SH3RF1: variants seen among roughly 807,000 people sequenced by gnomAD.
SH3RF1 encodes the protein SH3 domain containing ring finger 1.
Under a neutral mutation model 74.0 loss-of-function variants are expected in SH3RF1, and 32 were observed. The observed-to-expected ratio is 0.43, with a 90% CI of 0.33 to 0.58. The LOEUF is 0.58. Ranked by LOEUF, SH3RF1 falls within the 20% of genes least tolerant of loss-of-function variation. The pLI, the probability that SH3RF1 is intolerant of heterozygous loss-of-function variation, is 0.05. For missense variants in SH3RF1, 954 were observed against 1,130.9 expected, an observed-to-expected ratio of 0.84 and a Z score of 2.24; for synonymous variants, 396 against 439.6, an observed-to-expected ratio of 0.90 and a Z score of 1.24.
chr4:169,138,545 C>T (rs1733735184), intron 4 of SH3RF1, among the ~76,000 whole-genome samples: 2 of 152,216 alleles, frequency 1.3e-5, no homozygotes, highest in Non-Finnish European at 2.9e-5. Context: ...CAACTCAGCA[C>T]TCCTGTCCCA....
rs767668410 is a variant in SH3RF1, at chr4:169,268,954, C to G, written c.259G>C (p.Gly87Arg). 2 of 1,614,196 alleles carry G rather than the reference C, an allele frequency of 1.2e-6. No homozygotes were observed. Among genetic ancestry groups the G allele is most frequent in the East Asian group, 2.2e-5 (1 of 44,892 alleles). Residue 87 changes from glycine (G) to arginine (R), a missense_variant, in exon 2 of 12, where the codon GGG becomes CGG. This residue lies in a region of SH3RF1 where 854 missense variants were observed against 962.5 expected (regional missense o/e 0.89). Coordinates refer to ENST00000284637, the MANE Select transcript of SH3RF1 (RefSeq NM_020870.4). ...KQRPWKPGPG[G>R]GSGTNCTNAL... Reference sequence around the variant, plus strand: ...TTTGTGCAGTTGGTCCCACTTCCCCCACCAGGACCAGGTTTCCAAGGCCTC... The same window carrying G: ...TTTGTGCAGTTGGTCCCACTTCCCCGACCAGGACCAGGTTTCCAAGGCCTC...
chr4:169,161,889 T>C (rs1352838365), intron 2 of SH3RF1, among the ~76,000 whole-genome samples: 1 of 152,150 alleles, frequency 6.6e-6, no homozygotes, highest in African/African-American at 2.4e-5. Flanking sequence ...TTTTTAAAAA[T>C]ATCTTTTGGG....
At chr4:169,236,444 T>C (rs1730825337) in intron 2 of SH3RF1, among the ~76,000 whole-genome samples, 1 of 152,236 alleles carries the variant, frequency 6.6e-6, no homozygotes, top group South Asian at 2.1e-4. Flanking sequence ...CTTTGCTGTA[T>C]TAAGCATCTC....
At chr4:169,127,672 T>A (rs1239916221) in intron 6 of SH3RF1, among the ~76,000 whole-genome samples, 1 of 152,206 alleles carries the variant, frequency 6.6e-6, no homozygotes, top group East Asian at 1.9e-4. Context: ...TTTTCTTATA[T>A]AATCCTAAAA....
At chr4:169,247,631 A>C (rs1208239028) in intron 2 of SH3RF1, among the ~76,000 whole-genome samples, 1 of 152,212 alleles carries the variant, frequency 6.6e-6, no homozygotes, top group Non-Finnish European at 1.5e-5. Flanking sequence ...CAGAGAGAAT[A>C]GGATTACTGT....
intron 2 of SH3RF1, among the ~76,000 whole-genome samples, chr4:169,217,862 C>A (rs111930024): frequency 1.4e-4 from 21 of 151,570 alleles, no homozygotes; most frequent in African/African-American, 3.9e-4. Context: ...TACCAAAAAA[C>A]AAAAAAAAGT....
intron 2 of SH3RF1, among the ~76,000 whole-genome samples, chr4:169,171,504 G>A (rs1186301773): frequency 4.6e-5 from 7 of 152,310 alleles, no homozygotes; most frequent in Admixed American, 3.3e-4. Context: ...TTGGGTCAGA[G>A]GTGGAATGTA....
chr4:169,144,385 T>C (rs1287296971), intron 4 of SH3RF1, among the ~76,000 whole-genome samples: 1 of 152,158 alleles, frequency 6.6e-6, no homozygotes, highest in African/African-American at 2.4e-5. Context: ...AAATATTCAA[T>C]AGGCAAAGAC....
chr4:169,174,624 T>C (rs1734388441), intron 2 of SH3RF1, among the ~76,000 whole-genome samples: 2 of 152,156 alleles, frequency 1.3e-5, no homozygotes, highest in Non-Finnish European at 2.9e-5. Context: ...TAACTAAATT[T>C]ACTCCCAAGA....
intron 1 of SH3RF1, among the ~76,000 whole-genome samples, chr4:169,270,252 A>C (rs1284697207): frequency 1.3e-5 from 2 of 152,176 alleles, no homozygotes; most frequent in East Asian, 3.9e-4. Context: ...CCACGGCGCC[A>C]AGCACAGGTA....
At chr4:169,196,774 A>T (rs1734819991) in intron 2 of SH3RF1, among the ~76,000 whole-genome samples, 1 of 152,210 alleles carries the variant, frequency 6.6e-6, no homozygotes, top group African/African-American at 2.4e-5. Context: ...ACCATTACAG[A>T]AAGCTCCTGG....
intron 2 of SH3RF1, among the ~76,000 whole-genome samples, chr4:169,182,174 A>G (rs915842176): frequency 1.3e-5 from 2 of 152,244 alleles, no homozygotes; most frequent in African/African-American, 4.8e-5. Flanking sequence ...TAGACCACAT[A>G]TCCTTGATTC....
At chr4:169,197,624 C>CCAAAAA (rs1734836546) in intron 2 of SH3RF1, among the ~76,000 whole-genome samples, 1 of 114,132 alleles carries the variant, frequency 8.8e-6, no homozygotes, top group African/African-American at 3.4e-5. Flanking sequence ...GACTCTGTCT[C>CCAAAAA]AAAAAAAAAA....
chr4:169,250,306 A>G (rs898656318), intron 2 of SH3RF1, among the ~76,000 whole-genome samples: 22 of 150,856 alleles, frequency 1.5e-4, no homozygotes, highest in Admixed American at 1.1e-3. Context: ...CATACTGCTC[A>G]TCTCTTGGGT....
At chr4:169,128,664 A>G (rs1235845340) in intron 6 of SH3RF1, among the ~76,000 whole-genome samples, 1 of 152,264 alleles carries the variant, frequency 6.6e-6, no homozygotes, top group Admixed American at 6.5e-5. Flanking sequence ...AATGGAAAAT[A>G]AGAACAATAA....
chr4:169,113,405 C>T (rs1733275621), intron 10 of SH3RF1, among the ~76,000 whole-genome samples: 2 of 152,260 alleles, frequency 1.3e-5, no homozygotes, highest in South Asian at 2.1e-4. Context: ...CCACCGCGCC[C>T]GGCCCCAATT....
rs947514991 is a variant in SH3RF1, at chr4:169,186,867, A to G, written c.394-30188T>C. Among the ~76,000 whole-genome samples, 7 of 143,658 alleles carry G rather than the reference A, an allele frequency of 4.9e-5. 1 individual carries two copies. Among genetic ancestry groups the G allele is most frequent in the Admixed American group, 4.1e-4 (6 of 14,552 alleles). The allele number at this position is 143,658 out of a possible 152,430, so 94.2% of individuals were successfully genotyped here. ...TAAAAATACAAAAAAAAAAAAAATT[A>G]GCGGGGCGTGGTGGCGGGTGACTGT... On this transcript the variant is annotated intron_variant, in intron 2 of 11. Coordinates refer to ENST00000284637, the MANE Select transcript of SH3RF1 (RefSeq NM_020870.4).
intron 2 of SH3RF1, among the ~76,000 whole-genome samples, chr4:169,175,617 C>A (rs1035455900): frequency 3.9e-5 from 6 of 152,168 alleles, no homozygotes; most frequent in African/African-American, 1.4e-4. Context: ...CCAACCAGCA[C>A]CCAACACAAC....
Position 169,094,849 on chromosome 4 carries a change from T to C in SH3RF1, c.*1670A>G, listed in dbSNP as rs994406233. Reference sequence around the variant, plus strand: ...CACATAAAGTATCTTTTTAAGACCATGAAACCTCTTGTCATTGCAAGACTT... The same window carrying C: ...CACATAAAGTATCTTTTTAAGACCACGAAACCTCTTGTCATTGCAAGACTT... On this transcript the variant is annotated 3_prime_UTR_variant, in exon 12 of 12. Coordinates refer to ENST00000284637, the MANE Select transcript of SH3RF1 (RefSeq NM_020870.4). The C allele has an allele frequency of 1.3e-5, 2 of 151,844 alleles. No individual in the cohort carries two copies. The highest frequency in any genetic ancestry group is 4.8e-5 in the African/African-American group (2 of 41,338). 9.4% of individuals were successfully genotyped at this position (151,844 alleles called of 1,614,324 possible). A position where few individuals can be genotyped will look rare whatever the true frequency, so the allele number is the denominator to read the frequency against.
Sources: gnomAD v4.1 joint callset for allele counts (sites outside exome capture counted in the v4.1 genomes callset) on GRCh38, gnomAD v4.1.1 for gene constraint, gnomAD v4.1.1 regional missense constraint, MANE v1.5 for transcripts, NCBI Gene and HGNC (gene_info 2026-07-23, HGNC 2026-07-21) for gene names.